The following STYK1 variants were observed in gnomAD, a reference collection of about 807,000 sequenced individuals.
STYK1 encodes STY kinase 1.
A neutral mutation model predicts 48.1 loss-of-function variants in STYK1; 46 were observed. The observed-to-expected ratio is 0.96, with a 90% CI of 0.75 to 1.22. The LOEUF is 1.22. Among genes scored for constraint, STYK1 ranks in the 50% most tolerant of loss-of-function variants. STYK1 has a pLI of 0.00. For missense variants in STYK1, 527 were observed against 521.1 expected (o/e 1.01, Z -0.11); for synonymous variants, 188 against 189.0 (o/e 0.99, Z 0.04).
At chr12:10,665,364 A>G (rs1370466263) in intron 1 of STYK1, among the ~76,000 whole-genome samples, 1 of 152,192 alleles carries the variant, frequency 6.6e-6, no homozygotes, top group Non-Finnish European at 1.5e-5. Flanking sequence ...CTATGTGTAC[A>G]AGGGTGCTTT....
chr12:10,643,462 T>C (rs1947566338), intron 1 of STYK1, among the ~76,000 whole-genome samples: 1 of 152,238 alleles, frequency 6.6e-6, no homozygotes, highest in African/African-American at 2.4e-5. Context: ...AACTGTCCAT[T>C]CAAGACAGCT....
chr12:10,670,271 G>C (rs1947877829), intron 1 of STYK1, among the ~76,000 whole-genome samples: 1 of 152,078 alleles, frequency 6.6e-6, no homozygotes. Context: ...ACATACTGCT[G>C]TCTGCACGCC....
chr12:10,670,995 A>ATTTTTTTTTTTTTTTTTT (rs763044772), intron 1 of STYK1, among the ~76,000 whole-genome samples: 1 of 110,508 alleles, frequency 9.0e-6, no homozygotes, highest in Non-Finnish European at 1.7e-5. Flanking sequence ...GAATATATTG[A>ATTTTTTTTTTTTTTTTTT]TTTTTTTTTT....
chr12:10,649,553 T>C (rs1347127898), intron 1 of STYK1, among the ~76,000 whole-genome samples: 2 of 152,208 alleles, frequency 1.3e-5, no homozygotes, highest in African/African-American at 2.4e-5. Flanking sequence ...AAGAAAAATA[T>C]ATTAGAATGT....
intron 1 of STYK1, among the ~76,000 whole-genome samples, chr12:10,650,674 G>A (rs1947652841): frequency 6.6e-6 from 1 of 152,140 alleles, no homozygotes; most frequent in African/African-American, 2.4e-5. Flanking sequence ...TAAATGTTAA[G>A]TAAATTTGGG....
intron 1 of STYK1, among the ~76,000 whole-genome samples, chr12:10,641,986 T>C (rs1947550447): frequency 6.6e-6 from 1 of 152,238 alleles, no homozygotes; most frequent in Non-Finnish European, 1.5e-5. Flanking sequence ...GCATGTCACC[T>C]GACCTTGCCA....
At chr12:10,643,684 C>A (rs1190044373) in intron 1 of STYK1, among the ~76,000 whole-genome samples, 1 of 152,106 alleles carries the variant, frequency 6.6e-6, no homozygotes, top group Non-Finnish European at 1.5e-5. Context: ...AGTATTTAAG[C>A]AAATGATAAG....
chr12:10,642,922 AT>A (rs1947560753), intron 1 of STYK1, among the ~76,000 whole-genome samples: 1 of 152,086 alleles, frequency 6.6e-6, no homozygotes, highest in African/African-American at 2.4e-5. Flanking sequence ...CTGTCTCTAA[AT>A]TTTTCAGCTC....
chr12:10,663,680 GT>G (rs1254249435), intron 1 of STYK1, among the ~76,000 whole-genome samples: 1 of 133,522 alleles, frequency 7.5e-6, no homozygotes, highest in Non-Finnish European at 1.6e-5. Flanking sequence ...TTTCAAGACT[GT>G]TTTGGCTATT....
At chr12:10,628,676 A>G (rs937476394) in intron 6 of STYK1, among the ~76,000 whole-genome samples, 1 of 152,216 alleles carries the variant, frequency 6.6e-6, no homozygotes, top group Non-Finnish European at 1.5e-5. Context: ...CTAGGGAAAC[A>G]GGTAGCACTT....
At chr12:10,633,827 G>C (rs1253280852) in intron 4 of STYK1, among the ~76,000 whole-genome samples, 163 bp downstream of exon 4, 1 of 152,108 alleles carries the variant, frequency 6.6e-6, no homozygotes, top group Non-Finnish European at 1.5e-5. Flanking sequence ...GGAATTCCTA[G>C]AAAAGAGATC....
chr12:10,627,783 G>C, intron 6 of STYK1, 59 bp from the exon 7 acceptor site: 1 of 1,450,564 alleles, frequency 6.9e-7, no homozygotes. Context: ...ATTTGGAAAA[G>C]AAATAAAGTT....
chr12:10,632,419 T>C (rs1947439519), intron 4 of STYK1, among the ~76,000 whole-genome samples: 1 of 152,070 alleles, frequency 6.6e-6, no homozygotes, highest in African/African-American at 2.4e-5. Context: ...GCTGCAATAG[T>C]TGAGAAATAG....
chr12:10,637,003 A>T (rs1007566604), intron 2 of STYK1, 68 bp downstream of exon 2: 6 of 152,238 alleles, frequency 3.9e-5, no homozygotes, highest in Non-Finnish European at 1.5e-5. Flanking sequence ...AAACACACAA[A>T]TCCCTGATAA....
rs147064327 is a variant in STYK1, at chr12:10,652,246, TTC to T, written c.-194-15052_-194-15051del. 6.6e-5 allele frequency among the ~76,000 whole-genome samples: 10 copies of T among 151,938 alleles called. No homozygotes were observed. The East Asian group carries it at 1.7e-3, about 26-fold the overall frequency. On this transcript the variant is annotated intron_variant, in intron 1 of 10. Transcript: ENST00000075503. ...TCTACATTGGCAGCCACTATTCTAG[TTC>T]TCTCTCTCTCTCACACACATTCTTT... is the stretch of plus-strand genomic sequence containing the variant.
intron 1 of STYK1, among the ~76,000 whole-genome samples, chr12:10,669,166 T>C (rs761108400): frequency 2.2e-4 from 34 of 152,282 alleles, no homozygotes; most frequent in Admixed American, 6.5e-4. Context: ...TCTATGAAAA[T>C]AGCATTGGAT....
intron 1 of STYK1, among the ~76,000 whole-genome samples, chr12:10,664,240 T>C (rs1947811462): frequency 6.6e-6 from 1 of 152,180 alleles, no homozygotes; most frequent in African/African-American, 2.4e-5. Context: ...CCACAAGGGA[T>C]GATCTAAATT....
rs541419583 is a variant in STYK1, at chr12:10,640,494, G to A, written c.-194-3298C>T. On this transcript the variant is annotated intron_variant, in intron 1 of 10. Transcript: ENST00000075503. Reference sequence around the variant, plus strand: ...CGTCCTCTCACTCTTCTCAGATATTGAGAAATTGTGCTTATTTCTGATCTT... The same window carrying A: ...CGTCCTCTCACTCTTCTCAGATATTAAGAAATTGTGCTTATTTCTGATCTT... Among the ~76,000 whole-genome samples the A allele has an allele frequency of 2.6e-5, 4 of 152,264 alleles. No homozygotes were observed. The South Asian group carries it at 8.3e-4, about 32-fold the overall frequency.
Position 10,634,026 on chromosome 12 carries a change from C to A in STYK1, c.151G>T (p.Glu51Ter), listed in dbSNP as rs761803211. Residue 51 changes from glutamate to a stop codon, truncating the protein, a stop_gained, in exon 4 of 11, where the codon GAA (glutamate) becomes TAA (stop). Coordinates refer to ENST00000075503, the MANE Select transcript of STYK1 (RefSeq NM_018423.3). LOFTEE classifies it high-confidence loss of function. ...LGVILWLFIR[E>*]QRTQQQRSGP... Reference sequence around the variant, plus strand: ...GAACGCTGCTGTTGAGTTCTTTGTTCTCTGATAAAAAGCCACAGGATGACC... The same window carrying A: ...GAACGCTGCTGTTGAGTTCTTTGTTATCTGATAAAAAGCCACAGGATGACC... The A allele has an allele frequency of 6.2e-7, 1 of 1,614,084 alleles. No homozygotes were observed. Among genetic ancestry groups the A allele is most frequent in the South Asian group, 1.1e-5 (1 of 91,066 alleles).
Sources: allele counts gnomAD v4.1 joint callset (sites outside exome capture counted in the v4.1 genomes callset), GRCh38; gene constraint gnomAD v4.1.1; transcripts MANE v1.5; gene names NCBI Gene and HGNC (gene_info 2026-07-23, HGNC 2026-07-21).